The following CDH12 variants were observed in gnomAD, a reference collection of about 807,000 sequenced individuals.
CDH12 encodes the protein cadherin-12.
CDH12 carries 41 observed loss-of-function variants against 74.1 expected under a neutral mutation model. The observed-to-expected ratio is 0.55, with a 90% CI of 0.43 to 0.72. CDH12 has a LOEUF of 0.72. Among genes scored for constraint, CDH12 ranks in the 30% least tolerant of loss-of-function variants. The pLI is 0.00. For synonymous variants in CDH12, 399 were observed against 355.0 expected (o/e 1.12, Z -1.39); for missense variants, 945 against 977.2 (o/e 0.97, Z 0.44).
chr5:22,201,073 G>A (rs1580393218), intron 4 of CDH12, among the ~76,000 whole-genome samples: 2 of 152,290 alleles, frequency 1.3e-5, no homozygotes, highest in Middle Eastern at 6.8e-3. Context: ...TCAACTTACT[G>A]TGACAGACAG....
At chr5:21,960,734 CGTGT>C (rs763897547) in intron 6 of CDH12, among the ~76,000 whole-genome samples, 1 of 151,432 alleles carries the variant, frequency 6.6e-6, no homozygotes, top group Non-Finnish European at 1.5e-5. Flanking sequence ...TACACACACA[CGTGT>C]GTGTGTGTAG....
intron 3 of CDH12, among the ~76,000 whole-genome samples, chr5:22,272,675 T>C (rs1361950855): frequency 6.6e-6 from 1 of 152,122 alleles, no homozygotes; most frequent in East Asian, 1.9e-4. Context: ...TCAATATTTT[T>C]GTGTATCAGG....
At chr5:22,125,686 G>C (rs1344156864) in intron 4 of CDH12, among the ~76,000 whole-genome samples, 1 of 152,134 alleles carries the variant, frequency 6.6e-6, no homozygotes, top group East Asian at 1.9e-4. Flanking sequence ...ACCTGAGGTT[G>C]CCATGGATTC....
intron 5 of CDH12, among the ~76,000 whole-genome samples, chr5:22,015,307 T>G (rs2963574): frequency 0.02 from 3,085 of 152,296 alleles, 112 homozygotes; most frequent in African/African-American, 0.071. Context: ...TTTTTTTCAC[T>G]GAAAATAATG....
chr5:21,948,085 G>T (rs577217287), intron 6 of CDH12, among the ~76,000 whole-genome samples: 1 of 152,208 alleles, frequency 6.6e-6, no homozygotes, highest in Non-Finnish European at 1.5e-5. Context: ...GGATGTCCAG[G>T]CCGAGATTGG....
intron 2 of CDH12, among the ~76,000 whole-genome samples, chr5:22,464,891 A>G (rs1308808907): frequency 6.6e-6 from 1 of 151,766 alleles, no homozygotes; most frequent in African/African-American, 2.4e-5. Context: ...AATCCCAGCT[A>G]CTTTGGTGGC....
At chr5:22,336,529 C>T (rs183363737) in intron 3 of CDH12, among the ~76,000 whole-genome samples, 1 of 152,326 alleles carries the variant, frequency 6.6e-6, no homozygotes, top group Admixed American at 6.5e-5. Flanking sequence ...GGACTTGGTG[C>T]CTGGCTTCCC....
intron 13 of CDH12, among the ~76,000 whole-genome samples, chr5:21,760,197 CG>C (rs1561159827): frequency 6.6e-6 from 1 of 151,898 alleles, no homozygotes; most frequent in Non-Finnish European, 1.5e-5. Context: ...CTGTGCTGTA[CG>C]GTGTGTTATT....
At chr5:21,789,410 G>T (rs1284123384) in intron 10 of CDH12, among the ~76,000 whole-genome samples, 1 of 152,040 alleles carries the variant, frequency 6.6e-6, no homozygotes, top group African/African-American at 2.4e-5. Flanking sequence ...AAGTGTCACT[G>T]TCTTTTGCTA....
At chr5:22,104,672 C>A (rs139471219) in intron 4 of CDH12, among the ~76,000 whole-genome samples, 6 of 152,294 alleles carry the variant, frequency 3.9e-5, no homozygotes, top group East Asian at 3.9e-4. Context: ...TACAACCCTA[C>A]CAAAAGTCTC....
At chr5:22,165,194 G>A (rs1244750920) in intron 4 of CDH12, among the ~76,000 whole-genome samples, 7 of 152,084 alleles carry the variant, frequency 4.6e-5, no homozygotes, top group Non-Finnish European at 7.3e-5. Context: ...TTCATTCAGG[G>A]TAAGAGTCAA....
chr5:22,634,910 T>C (rs185002650), intron 1 of CDH12, among the ~76,000 whole-genome samples: 4 of 151,848 alleles, frequency 2.6e-5, no homozygotes, highest in Non-Finnish European at 5.9e-5. Context: ...TTGTTATTGT[T>C]AAGATGACAA....
intron 2 of CDH12, among the ~76,000 whole-genome samples, chr5:22,487,513 C>G (rs1022734159): frequency 6.6e-6 from 1 of 151,772 alleles, no homozygotes; most frequent in Non-Finnish European, 1.5e-5. Context: ...AACTTGAGGG[C>G]ACAAAAAGTA....
intron 10 of CDH12, among the ~76,000 whole-genome samples, chr5:21,785,889 A>C (rs1414704051): frequency 1.3e-5 from 2 of 152,214 alleles, no homozygotes; most frequent in African/African-American, 2.4e-5. Flanking sequence ...TTAAATGTAT[A>C]CAGAACAGCC....
intron 3 of CDH12, among the ~76,000 whole-genome samples, chr5:22,368,399 T>G (rs1234466673): frequency 1.3e-5 from 2 of 151,916 alleles, no homozygotes; most frequent in African/African-American, 4.8e-5. Flanking sequence ...ACCAGGCTCA[T>G]GTGATCCTCT....
chr5:21,900,825 T>C (rs1486612123), intron 6 of CDH12, among the ~76,000 whole-genome samples: 1 of 152,188 alleles, frequency 6.6e-6, no homozygotes, highest in African/African-American at 2.4e-5. Context: ...AGAATGACGA[T>C]GGGCTACAGA....
chr5:21,993,625 G>A (rs1233078519), intron 5 of CDH12, among the ~76,000 whole-genome samples: 1 of 152,112 alleles, frequency 6.6e-6, no homozygotes, highest in African/African-American at 2.4e-5. Flanking sequence ...AGAGAGCAAG[G>A]AAGTGTCTTC....
intron 1 of CDH12, among the ~76,000 whole-genome samples, chr5:22,576,384 T>C (rs775332110): frequency 9.2e-5 from 14 of 152,146 alleles, no homozygotes; most frequent in Non-Finnish European, 1.8e-4. Flanking sequence ...GAGGCAACCT[T>C]CATGTTGGTG....
At chr5:22,186,879 A>C (rs1315277599) in intron 4 of CDH12, among the ~76,000 whole-genome samples, 2 of 152,218 alleles carry the variant, frequency 1.3e-5, no homozygotes, top group African/African-American at 4.8e-5. Context: ...TAAAATAGCA[A>C]AACATGCTCG....
Sources: gnomAD v4.1 joint callset for allele counts (sites outside exome capture counted in the v4.1 genomes callset) on GRCh38, gnomAD v4.1.1 for gene constraint, MANE v1.5 for transcripts, NCBI Gene and HGNC (gene_info 2026-07-23, HGNC 2026-07-21) for gene names.